Variants in PABPC4L observed in about 807,000 individuals in gnomAD.
PABPC4L encodes polyadenylate-binding protein 4-like.
For synonymous variants in PABPC4L, 169 were observed against 164.1 expected (o/e 1.03, Z -0.23); for missense variants, 452 against 451.4 (o/e 1.00, Z -0.01).
the PABPC4L span, among the ~76,000 whole-genome samples, chr4:134,107,945 T>C: frequency 6.6e-6 from 1 of 151,568 alleles, no homozygotes; most frequent in Non-Finnish European, 1.5e-5. Context: ...CTCACACTTT[T>C]ACAGTAGAAG....
At chr4:134,186,815 G>A in the PABPC4L span, among the ~76,000 whole-genome samples, 23 of 152,004 alleles carry the variant, frequency 1.5e-4, no homozygotes, top group Non-Finnish European at 2.5e-4. Flanking sequence ...CTAATATCCA[G>A]AATCTACAAA....
the PABPC4L span, among the ~76,000 whole-genome samples, chr4:134,016,789 G>A: frequency 6.6e-6 from 1 of 152,148 alleles, no homozygotes; most frequent in African/African-American, 2.4e-5. Flanking sequence ...TCCTCATGGA[G>A]ATCACTTCTC....
At chr4:134,132,647 G>A in the PABPC4L span, among the ~76,000 whole-genome samples, 2 of 151,712 alleles carry the variant, frequency 1.3e-5, no homozygotes, top group African/African-American at 4.8e-5. Context: ...ATGGAAAAGT[G>A]CGTAAATTCT....
At chr4:133,994,278 C>A in the PABPC4L span, among the ~76,000 whole-genome samples, 20 of 152,142 alleles carry the variant, frequency 1.3e-4, no homozygotes, top group Middle Eastern at 3.4e-3. Flanking sequence ...TAATTTCTCT[C>A]CCTTTAAAGG....
the PABPC4L span, among the ~76,000 whole-genome samples, chr4:134,087,723 T>C: frequency 6.6e-6 from 1 of 152,156 alleles, no homozygotes; most frequent in Non-Finnish European, 1.5e-5. Context: ...CTACAGAGAC[T>C]TCCTCATCAA....
At chr4:134,017,775 A>C in the PABPC4L span, among the ~76,000 whole-genome samples, 1 of 151,974 alleles carries the variant, frequency 6.6e-6, no homozygotes, top group Non-Finnish European at 1.5e-5. Flanking sequence ...AAAACCCCAC[A>C]ATATCACCCC....
the PABPC4L span, among the ~76,000 whole-genome samples, chr4:133,973,603 C>A: frequency 6.6e-6 from 1 of 152,042 alleles, no homozygotes; most frequent in Non-Finnish European, 1.5e-5. Context: ...ACCTTATCAG[C>A]CACTGAAAGG....
In PABPC4L at chr4:134,197,115, T is replaced by C. The variant is rs1199730830; in HGVS notation, c.*2792A>G. 6.6e-6 allele frequency: 1 copy of C among 151,778 alleles called. No homozygotes were observed. Among genetic ancestry groups the C allele is most frequent in the Admixed American group, 6.6e-5 (1 of 15,226 alleles). The allele number at this position is 151,778 out of a possible 1,614,324, so 9.4% of individuals were successfully genotyped here. ...ACACTTAATACACTTTCCAGTCTTG[T>C]TGTCTGGTAAACCTTTTTAACAACT... On this transcript the variant is annotated 3_prime_UTR_variant, in exon 2 of 2. Transcript: ENST00000421491.
chr4:134,109,709 T>A, the PABPC4L span, among the ~76,000 whole-genome samples: 1 of 151,956 alleles, frequency 6.6e-6, no homozygotes, highest in Non-Finnish European at 1.5e-5. Context: ...AATCTTGATA[T>A]AAATTTTAAA....
the PABPC4L span, among the ~76,000 whole-genome samples, chr4:133,952,450 G>A: frequency 6.6e-6 from 1 of 152,242 alleles, no homozygotes; most frequent in Admixed American, 6.5e-5. Context: ...ATATCCCTTA[G>A]ATTTTGCACT....
chr4:134,164,041 AT>A, the PABPC4L span, among the ~76,000 whole-genome samples: 1 of 151,692 alleles, frequency 6.6e-6, no homozygotes, highest in Non-Finnish European at 1.5e-5. Flanking sequence ...AGGCGGGCGG[AT>A]CACGAGGTCA....
chr4:134,099,812 C>G, the PABPC4L span, among the ~76,000 whole-genome samples: 1 of 151,558 alleles, frequency 6.6e-6, no homozygotes, highest in Non-Finnish European at 1.5e-5. Context: ...CACACGAAAC[C>G]GTAAAAGAGT....
chr4:134,011,865 T>G, the PABPC4L span, among the ~76,000 whole-genome samples: 1 of 152,152 alleles, frequency 6.6e-6, no homozygotes, highest in Non-Finnish European at 1.5e-5. Context: ...GAAAGCTATT[T>G]ACACTTAGAT....
At chr4:133,976,343 T>TTCAGTCTATCATTGATGGGC in the PABPC4L span, among the ~76,000 whole-genome samples, 1 of 152,200 alleles carries the variant, frequency 6.6e-6, no homozygotes, top group Non-Finnish European at 1.5e-5. Context: ...ATTTTATTTA[T>TTCAGTCTATCATTGATGGGC]TCAGTCTATC....
chr4:134,083,393 C>G, the PABPC4L span, among the ~76,000 whole-genome samples: 3 of 151,494 alleles, frequency 2.0e-5, no homozygotes, highest in African/African-American at 7.3e-5. Context: ...ATGGTCAAAG[C>G]AACTTGCCAA....
chr4:134,010,920 G>A, the PABPC4L span, among the ~76,000 whole-genome samples: 1 of 151,780 alleles, frequency 6.6e-6, no homozygotes, highest in African/African-American at 2.4e-5. Flanking sequence ...TTGACATAAG[G>A]GAATTACATA....
At chr4:134,013,779 G>A in the PABPC4L span, among the ~76,000 whole-genome samples, 1 of 151,832 alleles carries the variant, frequency 6.6e-6, no homozygotes. Context: ...GTGTCACTAA[G>A]TCTTTCTAAT....
the PABPC4L span, among the ~76,000 whole-genome samples, chr4:134,103,518 C>T: frequency 6.6e-6 from 1 of 151,496 alleles, no homozygotes. Context: ...ACTTCCATTC[C>T]TTAAAAAGAT....
the PABPC4L span, among the ~76,000 whole-genome samples, chr4:134,001,029 C>G: frequency 6.6e-6 from 1 of 151,894 alleles, no homozygotes; most frequent in African/African-American, 2.4e-5. Context: ...CTTTGGTGAA[C>G]CCTGACTGAT....
Sources: gnomAD v4.1 joint callset for allele counts (sites outside exome capture counted in the v4.1 genomes callset) on GRCh38, gnomAD v4.1.1 for gene constraint, MANE v1.5 for transcripts, NCBI Gene and HGNC (gene_info 2026-07-23, HGNC 2026-07-21) for gene names.